TBX5: variants seen among roughly 807,000 people sequenced by gnomAD.
TBX5 encodes T-box transcription factor TBX5.
TBX5 carries 8 observed loss-of-function variants against 51.1 expected under a neutral mutation model. The ratio of observed to expected loss-of-function variants is 0.16; its 90% CI spans 0.09 to 0.28. TBX5 has a LOEUF of 0.28. Among genes scored for constraint, TBX5 ranks in the 10% least tolerant of loss-of-function variants. The pLI is 1.00. For missense variants in TBX5, 589 were observed against 671.7 expected (o/e 0.88, Z 1.36); for synonymous variants, 302 against 266.4 (o/e 1.13, Z -1.30).
At chr12:114,393,265 TAAGAAAAGGGAGGG>T (rs3837472) in intron 6 of TBX5, among the ~76,000 whole-genome samples, 42,986 of 151,840 alleles carry the variant, frequency 0.28, 6,741 homozygotes, top group East Asian at 0.5. Flanking sequence ...GGACTGTAGC[TAAGAAAAGGGAGGG>T]GCACACCATC....
At chr12:114,403,714 A>G (rs754029555) in intron 2 of TBX5, 38 bp downstream of exon 2, 4 of 1,606,206 alleles carry the variant, frequency 2.5e-6, no homozygotes, top group African/African-American at 1.3e-5. Context: ...TCTGACTTTG[A>G]TCTCTGCAAA....
chr12:114,373,235 A>G (rs899202958), intron 7 of TBX5, among the ~76,000 whole-genome samples: 4 of 152,134 alleles, frequency 2.6e-5, no homozygotes, highest in Non-Finnish European at 5.9e-5. Context: ...GACTCAAACT[A>G]TAGAGATGGT....
At chr12:114,370,282 AGAAAAGAAAG>A (rs763558129) in intron 7 of TBX5, among the ~76,000 whole-genome samples, 11,495 of 69,244 alleles carry the variant, frequency 0.17, 976 homozygotes, top group Non-Finnish European at 0.25. Flanking sequence ...AGAAAAGAAA[AGAAAAGAAAG>A]AAAAGAAAAG....
chr12:114,399,073 C>A (rs1224483696), intron 4 of TBX5, among the ~76,000 whole-genome samples: 2 of 152,150 alleles, frequency 1.3e-5, no homozygotes, highest in Non-Finnish European at 2.9e-5. Flanking sequence ...GCCATGGGAA[C>A]GATTCTACCC....
At chr12:114,398,958 A>G (rs565343178) in intron 4 of TBX5, among the ~76,000 whole-genome samples, 13 of 152,210 alleles carry the variant, frequency 8.5e-5, no homozygotes, top group African/African-American at 2.9e-4. Flanking sequence ...CTCGCATCCC[A>G]CAAAAAAGTG....
At chr12:114,376,653 T>C (rs528664462) in intron 7 of TBX5, among the ~76,000 whole-genome samples, 41 of 150,216 alleles carry the variant, frequency 2.7e-4, no homozygotes, top group Admixed American at 8.0e-4. Context: ...TAAATATTTA[T>C]ATATATATAT....
In TBX5 at chr12:114,398,663, G is replaced by C. The variant is rs148715804; in HGVS notation, c.420C>G (p.Asp140Glu). The C allele has an allele frequency of 6.2e-7, 1 of 1,613,064 alleles. No homozygotes were observed. Among genetic ancestry groups the C allele is most frequent in the Non-Finnish European group, 8.5e-7 (1 of 1,179,724 alleles). Reference sequence around the variant, plus strand: ...TCCAATGCGCCCCGGTGGCGGGGGAGTCTGGGTGCACGTACAGGCGGCCAG... The same window carrying C: ...TCCAATGCGCCCCGGTGGCGGGGGACTCTGGGTGCACGTACAGGCGGCCAG... ...AMPGRLYVHP[D>E]SPATGAHWMR... The change falls in exon 5 of 9, where the codon GAC becomes GAG. Residue 140 changes from aspartate to glutamate, a missense_variant. Coordinates refer to ENST00000405440, the MANE Select transcript of TBX5 (RefSeq NM_181486.4).
At chr12:114,405,365 C>G (rs943590408) in intron 1 of TBX5, among the ~76,000 whole-genome samples, 6 of 152,204 alleles carry the variant, frequency 3.9e-5, no homozygotes, top group Non-Finnish European at 7.3e-5. Flanking sequence ...GCCAGGGTCC[C>G]GGGGAGCTCT....
chr12:114,407,525 C>T (rs191940710), upstream of TBX5, among the ~76,000 whole-genome samples: 91 of 152,312 alleles, frequency 6.0e-4, no homozygotes, highest in African/African-American at 2.1e-3. Flanking sequence ...AATCTTCAGG[C>T]CCCTCCAGAG....
chr12:114,362,718 G>T (rs1472710812), intron 8 of TBX5, among the ~76,000 whole-genome samples: 1 of 152,150 alleles, frequency 6.6e-6, no homozygotes, highest in Non-Finnish European at 1.5e-5. Flanking sequence ...AGGCTGGAGT[G>T]CAGTGGTGCA....
intron 7 of TBX5, among the ~76,000 whole-genome samples, chr12:114,376,115 C>A (rs910458241): frequency 1.3e-5 from 2 of 152,052 alleles, no homozygotes; most frequent in African/African-American, 2.4e-5. Flanking sequence ...GTATATCCCT[C>A]TTCTAGATAT....
chr12:114,385,981 G>A (rs1185288432), intron 6 of TBX5, among the ~76,000 whole-genome samples: 2 of 152,094 alleles, frequency 1.3e-5, no homozygotes, highest in Admixed American at 6.6e-5. Flanking sequence ...TCCATTGGAA[G>A]GGTTGACCCC....
intron 8 of TBX5, among the ~76,000 whole-genome samples, chr12:114,357,243 G>A (rs959962377): frequency 3.3e-5 from 5 of 151,854 alleles, no homozygotes; most frequent in Non-Finnish European, 4.4e-5. Flanking sequence ...GTCTCTGAAA[G>A]GGGGTCTCCT....
intron 7 of TBX5, among the ~76,000 whole-genome samples, chr12:114,376,272 TATAC>T (rs1242542788): frequency 2.0e-5 from 3 of 148,578 alleles, no homozygotes; most frequent in Non-Finnish European, 1.5e-5. Flanking sequence ...TGTGTATATA[TATAC>T]ACACACACAC....
intron 7 of TBX5, among the ~76,000 whole-genome samples, chr12:114,375,612 G>A (rs1422315635): frequency 6.6e-6 from 1 of 152,298 alleles, no homozygotes; most frequent in East Asian, 1.9e-4. Flanking sequence ...TGTTAGGATG[G>A]CTATTCTCAA....
At chr12:114,374,054 C>G (rs1476383932) in intron 7 of TBX5, among the ~76,000 whole-genome samples, 1 of 152,206 alleles carries the variant, frequency 6.6e-6, no homozygotes, top group African/African-American at 2.4e-5. Flanking sequence ...ATGTGGAGGC[C>G]ACTGATGATC....
intron 2 of TBX5, 85 bp downstream of exon 2, chr12:114,403,667 C>A: frequency 6.5e-7 from 1 of 1,547,584 alleles, no homozygotes; most frequent in Non-Finnish European, 8.7e-7. Context: ...TGTTTTTGTT[C>A]TGTCCCCGCA....
At chr12:114,377,468 G>A (rs756805942) in intron 7 of TBX5, among the ~76,000 whole-genome samples, 10 of 152,026 alleles carry the variant, frequency 6.6e-5, no homozygotes, top group Admixed American at 6.6e-5. Context: ...ACAGCTCACT[G>A]CTGCCTCAAA....
intron 7 of TBX5, among the ~76,000 whole-genome samples, chr12:114,368,861 C>G (rs1167778416): frequency 6.6e-6 from 1 of 152,130 alleles, no homozygotes; most frequent in Non-Finnish European, 1.5e-5. Flanking sequence ...TCTCCTAGCC[C>G]AGCTTCCCTG....
Sources: allele counts gnomAD v4.1 joint callset (sites outside exome capture counted in the v4.1 genomes callset), GRCh38; gene constraint gnomAD v4.1.1; transcripts MANE v1.5; gene names NCBI Gene and HGNC (gene_info 2026-07-23, HGNC 2026-07-21).